The following CACUL1 variants were observed in gnomAD, a reference collection of about 807,000 sequenced individuals.
CACUL1 encodes CDK2 associated cullin domain 1.
In CACUL1, 13 loss-of-function variants were observed where a neutral mutation model predicts 45.2. That is an observed-to-expected ratio of 0.29 (90% CI 0.19 to 0.46). The LOEUF (loss-of-function observed/expected upper bound fraction) is 0.46. CACUL1 is among the 20% of genes least tolerant of loss of function. The probability of loss-of-function intolerance (pLI) is 1.00; values close to 1 mark genes in which losing one functional copy is unlikely to be tolerated. For synonymous variants in CACUL1, 197 were observed against 174.2 expected (o/e 1.13, Z -1.03); for missense variants, 421 against 471.4 (o/e 0.89, Z 0.99).
intron 3 of CACUL1, 99 bp from the exon 4 acceptor site, chr10:118,707,686 G>T: frequency 8.9e-6 from 4 of 448,796 alleles, no homozygotes; most frequent in Non-Finnish European, 7.7e-6. Context: ...AATTCATACT[G>T]AGATTCACAA....
intron 1 of CACUL1, 88 bp from the exon 2 acceptor site, chr10:118,730,498 TCA>T (rs1845687523): frequency 1.6e-6 from 2 of 1,254,338 alleles, no homozygotes; most frequent in African/African-American, 3.0e-5. Context: ...CAAATTCCTC[TCA>T]CTTACTCTTC....
intron 1 of CACUL1, among the ~76,000 whole-genome samples, chr10:118,738,858 CAG>C (rs141219366): frequency 0.033 from 2,716 of 83,010 alleles, 175 homozygotes; most frequent in East Asian, 0.24. Flanking sequence ...AAATTAAAAA[CAG>C]TGTCATAAAA....
At chr10:118,748,997 T>A (rs1374979623) in intron 1 of CACUL1, among the ~76,000 whole-genome samples, 1 of 152,100 alleles carries the variant, frequency 6.6e-6, no homozygotes, top group Non-Finnish European at 1.5e-5. Context: ...AATTACTTAG[T>A]ACGTGGAGAA....
At chr10:118,733,478 A>G (rs991719452) in intron 1 of CACUL1, among the ~76,000 whole-genome samples, 1 of 149,908 alleles carries the variant, frequency 6.7e-6, no homozygotes, top group Non-Finnish European at 1.5e-5. Context: ...CTTCATAACC[A>G]TCTGCAGTCA....
chr10:118,692,459 T>C (rs1845281919), intron 6 of CACUL1: 1 of 152,130 alleles, frequency 6.6e-6, no homozygotes, highest in Non-Finnish European at 1.5e-5. Context: ...AGAAACAGAA[T>C]AGCCCTGTTA....
At position 118,682,356 on chromosome 10, in the gene CACUL1, C is replaced by A. The variant is rs1024389664; in HGVS notation, c.*3772G>T. On this transcript the variant is annotated 3_prime_UTR_variant, in exon 9 of 9. Coordinates refer to ENST00000369151, the MANE Select transcript of CACUL1 (RefSeq NM_153810.5). The stretch of plus-strand genomic sequence containing the variant: ...ACAGTTTAACTCAAGGGCAATGCTT[C>A]TTGCATAATAATCACAAAAATAATT... 3.3e-5 allele frequency: 5 copies of A among 152,148 alleles called. No individual in the cohort carries two copies. The highest frequency in any genetic ancestry group is 1.2e-4 in the African/African-American group (5 of 41,418). 9.4% of individuals were successfully genotyped at this position (152,148 alleles called of 1,614,324 possible). A position where few individuals can be genotyped will look rare whatever the true frequency, so the allele number is the denominator to read the frequency against.
chr10:118,714,369 T>C (rs1211315036), intron 3 of CACUL1, among the ~76,000 whole-genome samples: 1 of 152,242 alleles, frequency 6.6e-6, no homozygotes, highest in African/African-American at 2.4e-5. Flanking sequence ...ATCAAAAAAA[T>C]ACATCTCTGA....
Position 118,754,759 on chromosome 10 carries a change from C to G in CACUL1, c.4G>C (p.Glu2Gln). Residue 2 changes from glutamate (E) to glutamine (Q), a missense_variant, in exon 1 of 9, where the codon GAG (glutamate) becomes CAG (glutamine). Glu to Gln is a conservative substitution (Grantham distance 29, BLOSUM62 2). Transcript: ENST00000369151. ...CCCTCCTCCTCTTCCATGCTTTCCT[C>G]CATCCTGCTGGCCCCCGGCACCCGC... MEESMEEEEGGS... is the reference protein window; with the variant it reads MQESMEEEEGGS... 5.7e-6 allele frequency: 9 copies of G among 1,576,054 alleles called. No individual in the cohort carries two copies. Among genetic ancestry groups the G allele is most frequent in the Non-Finnish European group, 7.7e-6 (9 of 1,164,344 alleles).
chr10:118,727,674 CAA>C (rs1197128813), intron 3 of CACUL1, among the ~76,000 whole-genome samples: 2 of 152,060 alleles, frequency 1.3e-5, no homozygotes, highest in East Asian at 3.9e-4. Flanking sequence ...TAGTAATGGC[CAA>C]AGACTGGAAG....
chr10:118,691,389 C>A lies in CACUL1; in HGVS notation c.901G>T (p.Ala301Ser), dbSNP rs755150010. The change falls in exon 7 of 9, where the codon GCT (alanine) becomes TCT (serine). Residue 301 changes from alanine (A) to serine (S), a missense_variant. By Grantham distance (99) the Ala-to-Ser change is moderately conservative. Transcript: ENST00000369151. ...ATAAATTTAGAAAATAGAGTTGGAGCCATCTGAACCCACTCTGTGAGGAAA... is the reference window on the plus strand; with the variant it reads ...ATAAATTTAGAAAATAGAGTTGGAGACATCTGAACCCACTCTGTGAGGAAA... ...YTLRPEWVQM[A>S]PTLFSKFIPN... 6.2e-7 allele frequency: 1 copy of A among 1,612,140 alleles called. No homozygotes were observed. Among genetic ancestry groups the A allele is most frequent in the Non-Finnish European group, 8.5e-7 (1 of 1,178,566 alleles).
At chr10:118,752,740 G>A (rs1458476946) in intron 1 of CACUL1, among the ~76,000 whole-genome samples, 9 of 152,196 alleles carry the variant, frequency 5.9e-5, no homozygotes, top group Non-Finnish European at 1.2e-4. Context: ...TCTGGATGCA[G>A]AGCTTCTAAA....
chr10:118,745,336 T>C (rs963772512), intron 1 of CACUL1, among the ~76,000 whole-genome samples: 1 of 151,946 alleles, frequency 6.6e-6, no homozygotes, highest in Admixed American at 6.6e-5. Context: ...GGTAGGTAGG[T>C]GGATCACCTG....
chr10:118,683,389 C>CAAAAAAAAA lies in CACUL1; in HGVS notation c.*2730_*2738dup, dbSNP rs34473974. On this transcript the variant is annotated 3_prime_UTR_variant, in exon 9 of 9. Coordinates refer to ENST00000369151, the MANE Select transcript of CACUL1 (RefSeq NM_153810.5). ...ACCATATACTGTACTGGCAAGAATA[C>CAAAAAAAAA]AAAAAAAAAAAAAAAAAAGGCCAGG... is the stretch of plus-strand genomic sequence containing the variant. 6 of 105,704 alleles carry CAAAAAAAAA rather than the reference C, an allele frequency of 5.7e-5. No homozygotes were observed. The highest frequency in any genetic ancestry group is 1.1e-4 in the Admixed American group (1 of 9,376). The allele number at this position is 105,704 out of a possible 1,614,324, so 6.5% of individuals were successfully genotyped here. A position where few individuals can be genotyped will look rare whatever the true frequency, so the allele number is the denominator to read the frequency against.
At chr10:118,732,414 T>C (rs551428774) in intron 1 of CACUL1, among the ~76,000 whole-genome samples, 1 of 152,278 alleles carries the variant, frequency 6.6e-6, no homozygotes, top group African/African-American at 2.4e-5. Context: ...CCAGCGGGCA[T>C]AGCAGATACT....
At chr10:118,718,853 G>A (rs1017154725) in intron 3 of CACUL1, among the ~76,000 whole-genome samples, 2 of 152,202 alleles carry the variant, frequency 1.3e-5, no homozygotes, top group African/African-American at 2.4e-5. Flanking sequence ...GATTACAGGC[G>A]TGAGCCACCG....
intron 1 of CACUL1, among the ~76,000 whole-genome samples, chr10:118,747,536 CAAA>C (rs3061057): frequency 2.6e-5 from 2 of 77,918 alleles, no homozygotes; most frequent in Non-Finnish European, 4.9e-5. Context: ...TTTGGTAAAT[CAAA>C]AAAAAAAAAA....
chr10:118,743,269 G>GT (rs1845808669), intron 1 of CACUL1, among the ~76,000 whole-genome samples: 2 of 152,040 alleles, frequency 1.3e-5, no homozygotes, highest in Non-Finnish European at 2.9e-5. Context: ...TAACATATGT[G>GT]TAACTAGTGG....
At chr10:118,751,156 T>C (rs999495103) in intron 1 of CACUL1, among the ~76,000 whole-genome samples, 1 of 152,204 alleles carries the variant, frequency 6.6e-6, no homozygotes, top group Admixed American at 6.5e-5. Context: ...TAGTAAGTAG[T>C]CCCTTGTCTA....
rs1845131164 is a variant in CACUL1 at position 118,679,495 on chromosome 10, C to CA, written c.*6632dup. 1 of 151,876 alleles carries CA rather than the reference C, an allele frequency of 6.6e-6. No individual in the cohort carries two copies. Among genetic ancestry groups the CA allele is most frequent in the South Asian group, 2.1e-4 (1 of 4,818 alleles). 9.4% of individuals were successfully genotyped at this position (151,876 alleles called of 1,614,324 possible). A position where few individuals can be genotyped will look rare whatever the true frequency, so the allele number is the denominator to read the frequency against. ...CCTCCCAAAGTATTGACATTACAGG[C>CA]AAGAGCCACTGTGCCAGGCCCAACT... On this transcript the variant is annotated 3_prime_UTR_variant, in exon 9 of 9. Transcript: ENST00000369151.
Sources: gnomAD v4.1 joint callset for allele counts (sites outside exome capture counted in the v4.1 genomes callset) on GRCh38, gnomAD v4.1.1 for gene constraint, MANE v1.5 for transcripts, NCBI Gene and HGNC (gene_info 2026-07-23, HGNC 2026-07-21) for gene names.